The following TRPM3 variants were observed in gnomAD, a reference collection of about 807,000 sequenced individuals.
TRPM3 encodes long transient receptor potential channel 3.
Under a neutral mutation model 181.2 loss-of-function variants are expected in TRPM3, and 77 were observed. The ratio of observed to expected loss-of-function variants is 0.42; its 90% CI spans 0.35 to 0.51. TRPM3 has a LOEUF of 0.51. Ranked by LOEUF, TRPM3 falls within the 20% of genes least tolerant of loss-of-function variation. The pLI is 0.01. For missense variants in TRPM3, 1,759 were observed against 2,196.7 expected, an observed-to-expected ratio of 0.80 and a Z score of 3.98; for synonymous variants, 745 against 796.4, an observed-to-expected ratio of 0.94 and a Z score of 1.09.
intron 1 of TRPM3, among the ~76,000 whole-genome samples, chr9:70,960,435 T>C (rs1451647815): frequency 6.6e-6 from 1 of 152,198 alleles, no homozygotes; most frequent in Non-Finnish European, 1.5e-5. Context: ...GACTACCTTT[T>C]TTCATCTTCT....
At chr9:70,639,705 A>T (rs1318352490) in intron 10 of TRPM3, among the ~76,000 whole-genome samples, 2 of 151,950 alleles carry the variant, frequency 1.3e-5, no homozygotes, top group Non-Finnish European at 2.9e-5. Flanking sequence ...AAAACAAAAC[A>T]AAAACATAAC....
intron 3 of TRPM3, among the ~76,000 whole-genome samples, chr9:70,860,135 C>G (rs541099536): frequency 6.6e-6 from 1 of 152,318 alleles, no homozygotes; most frequent in South Asian, 2.1e-4. Context: ...ACATCTTGAG[C>G]ACTAGCTGTA....
At chr9:70,821,823 A>G (rs1773782091) in intron 6 of TRPM3, among the ~76,000 whole-genome samples, 1 of 152,116 alleles carries the variant, frequency 6.6e-6, no homozygotes, top group African/African-American at 2.4e-5. Context: ...TCTCTTTCCT[A>G]CTTGCCAGGT....
intron 1 of TRPM3, among the ~76,000 whole-genome samples, chr9:71,274,409 T>C (rs1052689999): frequency 6.6e-6 from 1 of 152,174 alleles, no homozygotes; most frequent in Non-Finnish European, 1.5e-5. Context: ...TTTCTTTCCA[T>C]AATTTACACA....
At chr9:71,250,146 G>A (rs1001657214) in intron 1 of TRPM3, among the ~76,000 whole-genome samples, 1 of 152,162 alleles carries the variant, frequency 6.6e-6, no homozygotes. Context: ...AGGAGGGGAA[G>A]TACATTTAGA....
At chr9:71,066,581 G>A (rs1411894593) in intron 1 of TRPM3, among the ~76,000 whole-genome samples, 4 of 152,120 alleles carry the variant, frequency 2.6e-5, no homozygotes, top group Non-Finnish European at 4.4e-5. Flanking sequence ...AACAGAGAGG[G>A]CCTCTGATGG....
At chr9:70,632,033 T>A (rs1425432169) in intron 12 of TRPM3, among the ~76,000 whole-genome samples, 1 of 152,232 alleles carries the variant, frequency 6.6e-6, no homozygotes, top group Non-Finnish European at 1.5e-5. Flanking sequence ...GTTAATAACT[T>A]ATTCATTAAT....
chr9:70,548,299 A>T (rs759321224), intron 25 of TRPM3, among the ~76,000 whole-genome samples: 7 of 152,348 alleles, frequency 4.6e-5, no homozygotes, highest in Middle Eastern at 3.4e-3. Context: ...TTTTGCAGCA[A>T]CAGATGTGTA....
intron 1 of TRPM3, among the ~76,000 whole-genome samples, chr9:71,363,868 C>T (rs2092245254): frequency 1.3e-5 from 2 of 152,066 alleles, no homozygotes; most frequent in Admixed American, 1.3e-4. Flanking sequence ...GGCATAGACC[C>T]CACTGTGTCC....
chr9:70,593,032 G>A (rs2058400918), intron 21 of TRPM3, among the ~76,000 whole-genome samples: 3 of 152,068 alleles, frequency 2.0e-5, no homozygotes, highest in Non-Finnish European at 4.4e-5. Flanking sequence ...GCCCGGCCAC[G>A]ATTTTGTTTT....
At chr9:71,013,266 A>C (rs2097759940) in intron 1 of TRPM3, among the ~76,000 whole-genome samples, 1 of 152,036 alleles carries the variant, frequency 6.6e-6, no homozygotes, top group Non-Finnish European at 1.5e-5. Context: ...ATTTCCTGTT[A>C]CTGAAACATC....
rs2041479015 is a variant in TRPM3 at position 70,535,328 on chromosome 9, G to T, written c.*625C>A. Reference sequence around the variant, plus strand: ...AGAAGTGAATAGATAAGAGACAGGTGAACTATGACTGTTACCTTGTTTTTT... The same window carrying T: ...AGAAGTGAATAGATAAGAGACAGGTTAACTATGACTGTTACCTTGTTTTTT... On this transcript the variant is annotated 3_prime_UTR_variant, in exon 26 of 26. Transcript: ENST00000677713. The T allele has an allele frequency of 8.3e-6, 11 of 1,324,018 alleles. No homozygotes were observed. Among genetic ancestry groups the T allele is most frequent in the Non-Finnish European group, 1.2e-5 (11 of 946,542 alleles). 82.0% of individuals were successfully genotyped at this position (1,324,018 alleles called of 1,614,324 possible). A position where few individuals can be genotyped will look rare whatever the true frequency, so the allele number is the denominator to read the frequency against.
Position 70,529,967 on chromosome 9 carries a change from C to T in TRPM3, c.*5986G>A. ...TTGTGTTTTCTGGATCCGGCCCCTC[C>T]ATGTGTTTGAATTTGCAGCCTCTCA... On this transcript the variant is annotated 3_prime_UTR_variant, in exon 26 of 26. Coordinates refer to ENST00000677713, the MANE Select transcript of TRPM3 (RefSeq NM_001366145.2). The T allele has an allele frequency of 6.6e-6, 1 of 152,228 alleles. No individual in the cohort carries two copies. Among genetic ancestry groups the T allele is most frequent in the East Asian group, 1.9e-4 (1 of 5,206 alleles). 9.4% of individuals were successfully genotyped at this position (152,228 alleles called of 1,614,324 possible).
intron 1 of TRPM3, among the ~76,000 whole-genome samples, chr9:71,128,773 T>C (rs2074203827): frequency 2.0e-5 from 3 of 152,206 alleles, no homozygotes; most frequent in Admixed American, 6.5e-5. Context: ...TTGCATGAAT[T>C]GGAGGGAGCT....
intron 1 of TRPM3, among the ~76,000 whole-genome samples, chr9:71,419,425 A>G (rs2093692264): frequency 6.6e-6 from 1 of 151,958 alleles, no homozygotes; most frequent in Non-Finnish European, 1.5e-5. Flanking sequence ...TTGTTTACAA[A>G]TTATTAGGTA....
chr9:71,351,531 C>A (rs2091622461), intron 1 of TRPM3, among the ~76,000 whole-genome samples: 1 of 152,062 alleles, frequency 6.6e-6, no homozygotes, highest in Non-Finnish European at 1.5e-5. Context: ...AAATGTCTGT[C>A]AACAGGAGAA....
Position 70,535,752 on chromosome 9 carries a change from T to A in TRPM3, c.*201A>T, listed in dbSNP as rs183087192. On this transcript the variant is annotated 3_prime_UTR_variant, in exon 26 of 26. Transcript: ENST00000677713. ...AAGTGTGAACATGCCTTAAATCCCC[T>A]GTGTCTGGCACTGGGTCAGATCAAA... 3 of 1,455,078 alleles carry A rather than the reference T, an allele frequency of 2.1e-6. No homozygotes were observed. The Admixed American group carries it at 8.4e-5, about 41-fold the overall frequency. The allele number at this position is 1,455,078 out of a possible 1,614,324, so 90.1% of individuals were successfully genotyped here. A position where few individuals can be genotyped will look rare whatever the true frequency, so the allele number is the denominator to read the frequency against.
At chr9:71,010,438 C>T (rs954415843) in intron 1 of TRPM3, among the ~76,000 whole-genome samples, 4 of 151,886 alleles carry the variant, frequency 2.6e-5, no homozygotes, top group Admixed American at 2.0e-4. Flanking sequence ...CCAAATAATC[C>T]ATTTGAAAAA....
At chr9:71,280,130 A>C (rs1270974553) in intron 1 of TRPM3, among the ~76,000 whole-genome samples, 1 of 151,706 alleles carries the variant, frequency 6.6e-6, no homozygotes, top group East Asian at 1.9e-4. Flanking sequence ...TTATTGTGTA[A>C]TGTAAAACCA....
Sources: allele counts gnomAD v4.1 joint callset (sites outside exome capture counted in the v4.1 genomes callset), GRCh38; gene constraint gnomAD v4.1.1; transcripts MANE v1.5; gene names NCBI Gene and HGNC (gene_info 2026-07-23, HGNC 2026-07-21).